Variants in ADD3 observed in about 807,000 individuals in gnomAD.
ADD3 encodes the protein gamma-adducin.
In ADD3, 25 loss-of-function variants were observed where a neutral mutation model predicts 80.2. The ratio of observed to expected loss-of-function variants is 0.31; its 90% CI spans 0.23 to 0.44. The LOEUF is 0.44. Among genes scored for constraint, ADD3 ranks in the 20% least tolerant of loss-of-function variants. ADD3 has a pLI of 1.00. For synonymous variants in ADD3, 284 were observed against 289.6 expected (o/e 0.98, Z 0.20); for missense variants, 829 against 847.5 (o/e 0.98, Z 0.27).
chr10:110,122,620 C>T (rs1178682562), intron 9 of ADD3, among the ~76,000 whole-genome samples: 1 of 143,108 alleles, frequency 7.0e-6, no homozygotes, highest in African/African-American at 2.6e-5. Context: ...TTCTACTCTA[C>T]TTTTATGAGT....
chr10:109,999,774 G>A (rs987195399), intron 1 of ADD3, among the ~76,000 whole-genome samples: 5 of 151,882 alleles, frequency 3.3e-5, no homozygotes, highest in Non-Finnish European at 7.4e-5. Flanking sequence ...ATATTGATAC[G>A]ACAGTTATTT....
intron 1 of ADD3, among the ~76,000 whole-genome samples, chr10:110,099,557 T>A (rs1386783902): frequency 6.6e-6 from 1 of 152,200 alleles, no homozygotes; most frequent in Non-Finnish European, 1.5e-5. Flanking sequence ...TACCACATAG[T>A]AAGGGAAAGT....
In ADD3 at chr10:110,133,490, C is replaced by G. The variant is rs757023027; in HGVS notation, c.1993C>G (p.Pro665Ala). 5 of 1,613,520 alleles carry G rather than the reference C, an allele frequency of 3.1e-6. No individual in the cohort carries two copies. Among genetic ancestry groups the G allele is most frequent in the East Asian group, 4.5e-5 (2 of 44,864 alleles). ...IENIEITIKS[P>A]EKIEEVLSPE... ...AAACATCGAGATTACTATTAAGTCT[C>G]CAGAGAAAATCGAAGAAGTCCTGTC... is the stretch of plus-strand genomic sequence containing the variant. The change falls in exon 15 of 15, where the codon CCA (proline) becomes GCA (alanine). Residue 665 changes from proline to alanine, a missense_variant. Transcript: ENST00000356080.
rs1853165441 is a variant in ADD3 at position 110,132,560 on chromosome 10, T to G, written c.1828+160T>G. 1.2e-5 allele frequency: 7 copies of G among 577,784 alleles called. No individual in the cohort carries two copies. In the South Asian group the frequency reaches 1.6e-4, roughly 13 times the overall value. The allele number at this position is 577,784 out of a possible 1,614,324, so 35.8% of individuals were successfully genotyped here. ...ATTACATATTTTATATCATTAAAAA[T>G]GGGGCGCTACTTTTGTTCAGCATTT... is the stretch of plus-strand genomic sequence containing the variant. On this transcript the variant is annotated intron_variant, in intron 14 of 14. Coordinates refer to ENST00000356080, the MANE Select transcript of ADD3 (RefSeq NM_016824.5).
chr10:110,044,135 G>A (rs1856664802), intron 1 of ADD3, among the ~76,000 whole-genome samples: 1 of 152,186 alleles, frequency 6.6e-6, no homozygotes, highest in Admixed American at 6.5e-5. Context: ...CTGGGAGGCG[G>A]AGGTTGCAGT....
At position 110,112,794 on chromosome 10, in the gene ADD3, G is replaced by A. The variant is rs780693571; in HGVS notation, c.213G>A (p.Leu71=). ...ILQSPAFRED[L]ECLIQEQMKK... ...TATTACAGGCCTTTCGGGAAGACTT[G>A]GAATGCCTTATTCAAGAACAGATGA... is the stretch of plus-strand genomic sequence containing the variant. Residue 71 remains leucine, a synonymous_variant, in exon 3 of 15, where the codon TTG becomes TTA. Transcript: ENST00000356080. The A allele has an allele frequency of 9.9e-6, 16 of 1,613,668 alleles. No individual in the cohort carries two copies. The East Asian group carries it at 1.1e-4, about 11-fold the overall frequency.
intron 1 of ADD3, among the ~76,000 whole-genome samples, chr10:110,012,215 C>T (rs1266396282): frequency 6.6e-6 from 1 of 151,944 alleles, no homozygotes; most frequent in Non-Finnish European, 1.5e-5. Context: ...AGAGTAATAC[C>T]TTTATGTGGG....
intron 3 of ADD3, 46 bp downstream of exon 3, chr10:110,112,961 C>T (rs771035394): frequency 1.4e-5 from 22 of 1,583,770 alleles, no homozygotes; most frequent in Non-Finnish European, 1.9e-5. Context: ...TTTACTTCCA[C>T]TTTGGACCAC....
rs756304032 is a variant in ADD3 at position 110,117,364 on chromosome 10, A to G, written c.509A>G (p.Asp170Gly). 9 of 1,603,514 alleles carry G rather than the reference A, an allele frequency of 5.6e-6. No homozygotes were observed. The South Asian group carries it at 7.7e-5, about 14-fold the overall frequency. The change falls in exon 5 of 15, where the codon GAC (aspartate) becomes GGC (glycine). Residue 170 changes from aspartate (D) to glycine (G), a missense_variant. Asp to Gly is a moderately conservative substitution (Grantham distance 94). Transcript: ENST00000356080. The part of the protein sequence containing the change: ...YISVRISKEQ[D>G]HIIIIPRGLS... ...CAGGTAAGAATAAGTAAGGAGCAAGACCACATTATAATAATTCCCAGAGGC... is the reference window on the plus strand; with the variant it reads ...CAGGTAAGAATAAGTAAGGAGCAAGGCCACATTATAATAATTCCCAGAGGC...
chr10:110,130,273 T>G, intron 12 of ADD3, 90 bp from the exon 13 acceptor site: 1 of 1,287,210 alleles, frequency 7.8e-7, no homozygotes, highest in Non-Finnish European at 1.1e-6. Context: ...AAACATCATA[T>G]TTGCATTTAT....
At chr10:110,109,332 T>C (rs1313620076) in intron 2 of ADD3, among the ~76,000 whole-genome samples, 1 of 152,198 alleles carries the variant, frequency 6.6e-6, no homozygotes, top group Non-Finnish European at 1.5e-5. Context: ...CTCTAGCAAA[T>C]GCATACAATT....
chr10:109,998,401 C>T (rs1374917252), intron 1 of ADD3, among the ~76,000 whole-genome samples: 1 of 152,196 alleles, frequency 6.6e-6, no homozygotes, highest in African/African-American at 2.4e-5. Flanking sequence ...CTCTTCTCCA[C>T]AGCTACCCCT....
intron 1 of ADD3, among the ~76,000 whole-genome samples, chr10:110,073,373 A>C (rs1589991549): frequency 6.6e-6 from 1 of 151,732 alleles, no homozygotes; most frequent in African/African-American, 2.4e-5. Context: ...CGATCTCCTG[A>C]CCTCGTGATC....
intron 11 of ADD3, 63 bp from the exon 12 acceptor site, chr10:110,126,354 A>G (rs1030630358): frequency 2.4e-6 from 3 of 1,254,644 alleles, no homozygotes; most frequent in African/African-American, 3.0e-5. Flanking sequence ...ATGAAAAGAT[A>G]AAGCAAAGGT....
At chr10:110,118,172 T>A (rs1851023316) in intron 5 of ADD3, among the ~76,000 whole-genome samples, 1 of 152,102 alleles carries the variant, frequency 6.6e-6, no homozygotes, top group African/African-American at 2.4e-5. Flanking sequence ...GCCACTGTCA[T>A]CAGCTTACAG....
At chr10:110,008,585 G>A (rs1041530664) in intron 1 of ADD3, among the ~76,000 whole-genome samples, 36 of 152,294 alleles carry the variant, frequency 2.4e-4, no homozygotes, top group African/African-American at 7.9e-4. Flanking sequence ...GGGTGGGCCC[G>A]ACGCTTCGCG....
Position 110,132,292 on chromosome 10 carries a change from T to C in ADD3, c.1733-13T>C. ...TGTTTTGCATGGCTTTTAACTAAAC[T>C]CTTATCCAACAGATGCTGAGCAGGA... On this transcript the variant is annotated splice_polypyrimidine_tract_variant and intron_variant, in intron 13 of 14. Transcript: ENST00000356080. 1 of 1,603,066 alleles carries C rather than the reference T, an allele frequency of 6.2e-7. No individual in the cohort carries two copies. Among genetic ancestry groups the C allele is most frequent in the Non-Finnish European group, 8.5e-7 (1 of 1,171,128 alleles).
chr10:110,003,823 T>C (rs1236434796), upstream of ADD3, among the ~76,000 whole-genome samples: 6 of 152,176 alleles, frequency 3.9e-5, no homozygotes, highest in South Asian at 2.1e-4. Flanking sequence ...AGAAAAGAGA[T>C]TGTTTCTTTT....
intron 3 of ADD3, among the ~76,000 whole-genome samples, chr10:110,114,175 C>T (rs928229643): frequency 1.3e-5 from 2 of 152,170 alleles, no homozygotes; most frequent in Non-Finnish European, 2.9e-5. Flanking sequence ...CAGGAAATAG[C>T]AACCAGTTGC....
Sources: allele counts gnomAD v4.1 joint callset (sites outside exome capture counted in the v4.1 genomes callset), GRCh38; gene constraint gnomAD v4.1.1; transcripts MANE v1.5; gene names NCBI Gene and HGNC (gene_info 2026-07-23, HGNC 2026-07-21).